Variants in SLC27A2 observed in about 807,000 individuals in gnomAD.
The protein encoded by SLC27A2 is long-chain fatty acid transport protein 2.
A neutral mutation model predicts 60.0 loss-of-function variants in SLC27A2; 54 were observed. That is an observed-to-expected ratio of 0.90 (90% CI 0.72 to 1.13). The LOEUF is 1.13. Among genes scored for constraint, SLC27A2 ranks in the 50% most tolerant of loss-of-function variants. The pLI is 0.00. For missense variants in SLC27A2, 739 were observed against 777.6 expected, an observed-to-expected ratio of 0.95 and a Z score of 0.59; for synonymous variants, 297 against 297.6, an observed-to-expected ratio of 1.00 and a Z score of 0.02.
At chr15:50,185,621 CTTTTTTTTTT>C (rs531026687) in intron 1 of SLC27A2, among the ~76,000 whole-genome samples, 10 of 95,770 alleles carry the variant, frequency 1.0e-4, no homozygotes, top group Admixed American at 1.1e-4. Context: ...AGGAAGCTTA[CTTTTTTTTTT>C]TTTTTTTTTT....
Position 50,197,684 on chromosome 15 carries a change from A to G in SLC27A2, c.663A>G (p.Leu221=). 1 of 1,613,452 alleles carries G rather than the reference A, an allele frequency of 6.2e-7. No homozygotes were observed. Among genetic ancestry groups the G allele is most frequent in the Non-Finnish European group, 8.5e-7 (1 of 1,179,430 alleles). ...RSEVTFSTPA[L]YIYTSGTTGL... ...AAGTCACTTTTTCCACTCCTGCCTT[A>G]TACATTTATACTTCTGGAACCACAG... Residue 221 remains leucine (L), a synonymous_variant, in exon 2 of 10, where the codon TTA becomes TTG. Coordinates refer to ENST00000267842, the MANE Select transcript of SLC27A2 (RefSeq NM_003645.4).
intron 4 of SLC27A2, among the ~76,000 whole-genome samples, chr15:50,210,423 G>A (rs868700201): frequency 2.0e-5 from 3 of 152,148 alleles, no homozygotes; most frequent in African/African-American, 7.2e-5. Context: ...CTGGAGCCTC[G>A]TCAAGTTAGA....
intron 2 of SLC27A2, among the ~76,000 whole-genome samples, chr15:50,201,847 G>A (rs990004679): frequency 2.6e-5 from 4 of 152,098 alleles, no homozygotes; most frequent in African/African-American, 7.2e-5. Context: ...GAGCCACCGC[G>A]CCTGGCCAAG....
intron 4 of SLC27A2, among the ~76,000 whole-genome samples, chr15:50,212,990 C>G (rs1231462606): frequency 6.6e-6 from 1 of 152,184 alleles, no homozygotes; most frequent in Non-Finnish European, 1.5e-5. Context: ...GGCCTAAATG[C>G]TCCACTTAAA....
chr15:50,209,311 CAG>C (rs887128994), intron 4 of SLC27A2, among the ~76,000 whole-genome samples: 9 of 152,184 alleles, frequency 5.9e-5, no homozygotes, highest in Non-Finnish European at 1.2e-4. Context: ...TGTTGCAGCA[CAG>C]AGTGGAGAGT....
At chr15:50,221,943 ACTT>A (rs1595690861) in intron 4 of SLC27A2, 1 of 153,282 alleles carries the variant, frequency 6.5e-6, no homozygotes, top group East Asian at 1.9e-4. Context: ...TATAGATCAA[ACTT>A]CTTGTTCTAC....
At chr15:50,229,881 T>C (rs2045304956) in intron 8 of SLC27A2, among the ~76,000 whole-genome samples, 1 of 152,130 alleles carries the variant, frequency 6.6e-6, no homozygotes, top group Non-Finnish European at 1.5e-5. Flanking sequence ...AGTAGAAATC[T>C]AAAAGTCCCT....
chr15:50,231,141 C>CTTTT (rs34060039), intron 8 of SLC27A2, among the ~76,000 whole-genome samples: 2 of 128,602 alleles, frequency 1.6e-5, no homozygotes, highest in African/African-American at 5.7e-5. Flanking sequence ...GAATTGTACA[C>CTTTT]TTTTTTTTTT....
chr15:50,183,911 C>T (rs970444070), intron 1 of SLC27A2, among the ~76,000 whole-genome samples: 10 of 150,720 alleles, frequency 6.6e-5, no homozygotes, highest in Non-Finnish European at 1.3e-4. Context: ...ACCACCACCA[C>T]CACCATTATA....
At chr15:50,182,982 G>A in intron 1 of SLC27A2, 77 bp downstream of exon 1, 2 of 1,439,280 alleles carry the variant, frequency 1.4e-6, no homozygotes, top group Non-Finnish European at 9.4e-7. Flanking sequence ...CGTGGCATAA[G>A]GGGTTCGCAG....
intron 1 of SLC27A2, among the ~76,000 whole-genome samples, chr15:50,196,080 ATATATATATATATAT>A (rs1567428429): frequency 0.015 from 120 of 7,812 alleles, 16 homozygotes; most frequent in East Asian, 0.1. Flanking sequence ...AAAAAAAAAT[ATATATATATATATAT>A]ATATATATAT....
chr15:50,202,576 A>C lies in SLC27A2; in HGVS notation c.778A>C (p.Ile260Leu). The change falls in exon 3 of 10, where the codon ATC becomes CTC. Residue 260 changes from isoleucine (I) to leucine (L), a missense_variant. Ile to Leu is a conservative substitution (Grantham distance 5). Transcript: ENST00000267842. ...AAGCGGATTGAAGGCAGATGATGTC[A>C]TCTATATCACTCTGCCCTTTTACCA... ...FVSGLKADDVIYITLPFYHSA... is the reference protein window; with the variant it reads ...FVSGLKADDVLYITLPFYHSA... 1 of 1,614,154 alleles carries C rather than the reference A, an allele frequency of 6.2e-7. No homozygotes were observed. The highest frequency in any genetic ancestry group is 2.2e-5 in the East Asian group (1 of 44,884).
intron 9 of SLC27A2, 73 bp from the exon 10 acceptor site, chr15:50,235,847 C>T (rs1373856541): frequency 1.6e-6 from 2 of 1,213,878 alleles, no homozygotes; most frequent in Non-Finnish European, 2.3e-6. Context: ...CCATGCCCCA[C>T]CCCTACCCCT....
Position 50,230,108 on chromosome 15 carries a change from C to A in SLC27A2, c.1555+1066C>A, listed in dbSNP as rs573056078. 6.6e-5 allele frequency among the ~76,000 whole-genome samples: 10 copies of A among 152,000 alleles called. No individual in the cohort carries two copies. The South Asian group carries it at 2.1e-3, about 32-fold the overall frequency. ...AATTAGCTGGGTGTGGTGGCACGTG[C>A]CTATAGTCCCAGCTACTCGGGAGGC... On this transcript the variant is annotated intron_variant, in intron 8 of 9. Coordinates refer to ENST00000267842, the MANE Select transcript of SLC27A2 (RefSeq NM_003645.4).
chr15:50,218,369 GA>G (rs2045218000), intron 4 of SLC27A2, among the ~76,000 whole-genome samples: 1 of 152,088 alleles, frequency 6.6e-6, no homozygotes. Context: ...TGGAAATCAG[GA>G]AAAGAGAATA....
intron 8 of SLC27A2, among the ~76,000 whole-genome samples, chr15:50,231,347 A>T (rs1191687057): frequency 1.3e-5 from 2 of 152,050 alleles, no homozygotes; most frequent in Non-Finnish European, 2.9e-5. Flanking sequence ...GGGTTTCACC[A>T]TGTTGGTCAG....
intron 1 of SLC27A2, among the ~76,000 whole-genome samples, chr15:50,194,535 G>A (rs1042842971): frequency 3.3e-5 from 5 of 152,170 alleles, no homozygotes; most frequent in African/African-American, 1.2e-4. Flanking sequence ...CTATCACAAG[G>A]AATGAACAGC....
chr15:50,212,643 T>G (rs924795707), intron 4 of SLC27A2, among the ~76,000 whole-genome samples: 1 of 152,152 alleles, frequency 6.6e-6, no homozygotes, highest in Non-Finnish European at 1.5e-5. Context: ...TTCAACCACC[T>G]CAAACAAAAC....
Position 50,182,779 on chromosome 15 carries a change from G to A in SLC27A2, c.352G>A (p.Val118Met). The A allele has an allele frequency of 6.2e-7, 1 of 1,613,854 alleles. No individual in the cohort carries two copies. The highest frequency in any genetic ancestry group is 8.5e-7 in the Non-Finnish European group (1 of 1,179,964). Residue 118 changes from valine (V) to methionine (M), a missense_variant, in exon 1 of 10, where the codon GTG becomes ATG. Physicochemically the swap from Val to Met is conservative, Grantham distance 21. Transcript: ENST00000267842. ...ALLMGNEPAY[V>M]WLWLGLVKLG... ...CCTTATGGGTAACGAGCCGGCCTAC[G>A]TGTGGCTGTGGCTGGGGCTGGTGAA...
Sources: allele counts gnomAD v4.1 joint callset (sites outside exome capture counted in the v4.1 genomes callset), GRCh38; gene constraint gnomAD v4.1.1; transcripts MANE v1.5; gene names NCBI Gene and HGNC (gene_info 2026-07-23, HGNC 2026-07-21).